The following FIGN variants were observed in gnomAD, a reference collection of about 807,000 sequenced individuals.
The protein encoded by FIGN is fidgetin, microtubule severing factor.
In FIGN, 11 loss-of-function variants were observed where a neutral mutation model predicts 51.3. The ratio of observed to expected loss-of-function variants is 0.21; its 90% CI spans 0.13 to 0.35. The LOEUF (loss-of-function observed/expected upper bound fraction) is 0.35, where lower values mean the gene tolerates loss of function less well. Among genes scored for constraint, FIGN ranks in the 10% least tolerant of loss-of-function variants. FIGN has a pLI of 1.00. For missense variants in FIGN, 857 were observed against 943.6 expected, an observed-to-expected ratio of 0.91 and a Z score of 1.20; for synonymous variants, 407 against 363.2, an observed-to-expected ratio of 1.12 and a Z score of -1.37.
chr2:163,612,333 C>T (rs1691282969), intron 2 of FIGN: 1 of 985,258 alleles, frequency 1.0e-6, no homozygotes, highest in South Asian at 4.7e-5. Flanking sequence ...GGATACCTCT[C>T]TTATTTGGTA....
At chr2:163,697,027 G>A (rs78325617) in intron 2 of FIGN, among the ~76,000 whole-genome samples, 1,562 of 150,484 alleles carry the variant, frequency 0.01, 26 homozygotes, top group African/African-American at 0.036. Flanking sequence ...GAATTTAAGC[G>A]CTTATTAAAG....
intron 2 of FIGN, among the ~76,000 whole-genome samples, chr2:163,680,668 T>C: frequency 6.6e-6 from 1 of 152,188 alleles, no homozygotes; most frequent in East Asian, 1.9e-4. Flanking sequence ...TACATATTCT[T>C]CAGAGGTCAG....
Position 163,735,060 on chromosome 2 carries a change from G to T in FIGN, c.-133C>A, listed in dbSNP as rs1684993871. The T allele has an allele frequency of 2.6e-6, 2 of 783,016 alleles. No homozygotes were observed. Among genetic ancestry groups the T allele is most frequent in the Non-Finnish European group, 2.0e-6 (1 of 489,128 alleles). The allele number at this position is 783,016 out of a possible 1,614,324, so 48.5% of individuals were successfully genotyped here. A position where few individuals can be genotyped will look rare whatever the true frequency, so the allele number is the denominator to read the frequency against. On this transcript the variant is annotated 5_prime_UTR_variant, in exon 2 of 3. Transcript: ENST00000333129. ...CTTGAAACGTGGGCCCTTTCGTCAGGTATTCATTTAACCTACATGCATATA... is the reference window on the plus strand; with the variant it reads ...CTTGAAACGTGGGCCCTTTCGTCAGTTATTCATTTAACCTACATGCATATA...
chr2:163,610,369 A>G lies in FIGN; in HGVS notation c.1463T>C (p.Ile488Thr). The G allele has an allele frequency of 6.2e-7, 1 of 1,614,100 alleles. No homozygotes were observed. Among genetic ancestry groups the G allele is most frequent in the Non-Finnish European group, 8.5e-7 (1 of 1,180,012 alleles). ...TQGPPVDWND[I>T]AGLDLVKAVI... ...AGCCTTCACCAGGTCGAGACCAGCA[A>G]TGTCATTCCAGTCCACTGGAGGTCC... The change falls in exon 3 of 3, where the codon ATT (isoleucine) becomes ACT (threonine). Residue 488 changes from isoleucine to threonine, a missense_variant. Ile to Thr is a moderately conservative substitution (Grantham distance 89, BLOSUM62 -1). Coordinates refer to ENST00000333129, the MANE Select transcript of FIGN (RefSeq NM_018086.4).
chr2:163,654,215 G>A lies in FIGN; in HGVS notation c.26-42409C>T, dbSNP rs146742733. Among the ~76,000 whole-genome samples, 632 of 151,980 alleles carry A rather than the reference G, an allele frequency of 4.2e-3. 6 individuals carry two copies. Among genetic ancestry groups the A allele is most frequent in the African/African-American group, 0.013 (530 of 41,472 alleles). On this transcript the variant is annotated intron_variant, in intron 2 of 2. Transcript: ENST00000333129. ...AGAACTATCATGGAGCTTGCATTTC[G>A]GAATCTTGGACAGATTGCTATGCAA...
At chr2:163,668,022 C>A (rs910874309) in intron 2 of FIGN, among the ~76,000 whole-genome samples, 2 of 149,354 alleles carry the variant, frequency 1.3e-5, no homozygotes, top group Admixed American at 1.3e-4. Flanking sequence ...CAACCCCCCC[C>A]CCCAAAAAAC....
intron 2 of FIGN, among the ~76,000 whole-genome samples, chr2:163,671,632 T>C (rs552897152): frequency 1.3e-5 from 2 of 152,310 alleles, no homozygotes; most frequent in Admixed American, 1.3e-4. Flanking sequence ...ATAAACATTT[T>C]CCAGAAAGTA....
chr2:163,724,418 A>G (rs532661435), intron 2 of FIGN, among the ~76,000 whole-genome samples: 243 of 152,314 alleles, frequency 1.6e-3, no homozygotes, highest in African/African-American at 5.4e-3. Flanking sequence ...ATCTCTTGAT[A>G]TATATAAATG....
intron 2 of FIGN, among the ~76,000 whole-genome samples, chr2:163,665,477 C>T (rs1185967964): frequency 1.3e-5 from 2 of 152,204 alleles, no homozygotes; most frequent in African/African-American, 4.8e-5. Flanking sequence ...CAGTTGTTTT[C>T]CTCCTACAGA....
chr2:163,729,946 T>G (rs1052271392), intron 2 of FIGN, among the ~76,000 whole-genome samples: 2 of 152,242 alleles, frequency 1.3e-5, no homozygotes, highest in African/African-American at 4.8e-5. Context: ...GTAAATATTA[T>G]TAACAGAAAG....
At chr2:163,694,381 C>T (rs940156406) in intron 2 of FIGN, among the ~76,000 whole-genome samples, 1 of 152,122 alleles carries the variant, frequency 6.6e-6, no homozygotes, top group Admixed American at 6.6e-5. Flanking sequence ...TACCTATTAG[C>T]ATTCTAGGGG....
intron 2 of FIGN, among the ~76,000 whole-genome samples, chr2:163,617,466 T>C (rs1164726180): frequency 2.0e-5 from 3 of 152,316 alleles, no homozygotes; most frequent in African/African-American, 7.2e-5. Context: ...AATTAGACTC[T>C]TTGATTTTAG....
intron 2 of FIGN, among the ~76,000 whole-genome samples, chr2:163,637,445 C>T (rs1165388620): frequency 1.3e-5 from 2 of 152,180 alleles, no homozygotes; most frequent in Non-Finnish European, 2.9e-5. Context: ...AGAAAACATA[C>T]TCAGTGCTGA....
At chr2:163,644,701 G>A (rs1367328703) in intron 2 of FIGN, among the ~76,000 whole-genome samples, 1 of 151,920 alleles carries the variant, frequency 6.6e-6, no homozygotes, top group African/African-American at 2.4e-5. Context: ...ACCTAGGAAT[G>A]GATTAAAAAA....
chr2:163,731,305 A>G (rs1684925241), intron 2 of FIGN, among the ~76,000 whole-genome samples: 1 of 152,208 alleles, frequency 6.6e-6, no homozygotes, highest in African/African-American at 2.4e-5. Flanking sequence ...TTACCCATTT[A>G]TCTTTTCAGG....
chr2:163,674,059 C>A (rs1382997646), intron 2 of FIGN, among the ~76,000 whole-genome samples: 2 of 152,114 alleles, frequency 1.3e-5, no homozygotes, highest in Non-Finnish European at 2.9e-5. Context: ...TGGCTGAATG[C>A]AGCTATTATA....
At chr2:163,685,503 C>T (rs1341488509) in intron 2 of FIGN, among the ~76,000 whole-genome samples, 7 of 152,160 alleles carry the variant, frequency 4.6e-5, no homozygotes, top group Non-Finnish European at 1.5e-5. Context: ...AAAACCATGA[C>T]TTCAAAAGTG....
chr2:163,710,347 T>C lies in FIGN; in HGVS notation c.25+24556A>G, dbSNP rs549361017. ...ACAAGCTACACTTTCGTGGAAATTA[T>C]GAAGATTAGGCAACTGCTAGTCTAT... On this transcript the variant is annotated intron_variant, in intron 2 of 2. Coordinates refer to ENST00000333129, the MANE Select transcript of FIGN (RefSeq NM_018086.4). Among the ~76,000 whole-genome samples the C allele has an allele frequency of 3.9e-5, 6 of 152,330 alleles. No individual in the cohort carries two copies. The East Asian group carries it at 1.2e-3, about 29-fold the overall frequency.
intron 2 of FIGN, chr2:163,612,430 A>G: frequency 1.0e-6 from 1 of 985,274 alleles, no homozygotes; most frequent in Non-Finnish European, 1.2e-6. Context: ...TCCAACTCTC[A>G]TCTAAAGTGG....
Sources: allele counts gnomAD v4.1 joint callset (sites outside exome capture counted in the v4.1 genomes callset), GRCh38; gene constraint gnomAD v4.1.1; transcripts MANE v1.5; gene names NCBI Gene and HGNC (gene_info 2026-07-23, HGNC 2026-07-21).